Variants in HNRNPL observed in about 807,000 individuals in gnomAD.
HNRNPL encodes the protein heterogeneous nuclear ribonucleoprotein L, also known as epididymis secretory sperm binding protein.
Under a neutral mutation model 64.0 loss-of-function variants are expected in HNRNPL, and 12 were observed. The ratio of observed to expected loss-of-function variants is 0.19; its 90% confidence interval spans 0.12 to 0.30. HNRNPL has a LOEUF of 0.30. HNRNPL is among the 10% of genes least tolerant of loss of function. The pLI is 1.00. For synonymous variants in HNRNPL, 385 were observed against 313.0 expected (o/e 1.23, Z -2.43); for missense variants, 484 against 797.4 (o/e 0.61, Z 4.73).
chr19:38,843,159 G>A (rs1037125578), intron 6 of HNRNPL, among the ~76,000 whole-genome samples: 5 of 152,170 alleles, frequency 3.3e-5, no homozygotes, highest in Admixed American at 2.6e-4. Flanking sequence ...ATCAGACCAA[G>A]ACAGACACCG....
intron 12 of HNRNPL, 52 bp downstream of exon 12, chr19:38,837,332 G>C (rs1372578765): frequency 6.9e-7 from 1 of 1,452,662 alleles, no homozygotes; most frequent in Non-Finnish European, 9.7e-7. Context: ...CCTGAAGCCA[G>C]CCAACCCATT....
chr19:38,843,780 A>G (rs1017286943), intron 6 of HNRNPL, 62 bp downstream of exon 6: 7 of 1,355,850 alleles, frequency 5.2e-6, no homozygotes, highest in African/African-American at 2.9e-5. Context: ...AGGCCTATTA[A>G]GTGCACTAGT....
chr19:38,844,059 A>G lies in HNRNPL; in HGVS notation c.756T>C (p.Asn252=). 8 of 1,614,088 alleles carry G rather than the reference A, an allele frequency of 5.0e-6. No homozygotes were observed. The highest frequency in any genetic ancestry group is 6.8e-6 in the Non-Finnish European group (8 of 1,179,918). ...AACAGCCAGAATAGATATCAGCCCC[A>G]TTGAGAGAGGCCTTGGCCCGCTGGG... ...QSAQRAKASL[N]GADIYSGCCT... Residue 252 remains asparagine (N), a synonymous_variant, in exon 5 of 13, where the codon AAT becomes AAC. Coordinates refer to ENST00000221419, the MANE Select transcript of HNRNPL (RefSeq NM_001533.3).
intron 1 of HNRNPL, among the ~76,000 whole-genome samples, chr19:38,848,493 G>C (rs955431058): frequency 6.6e-6 from 1 of 152,196 alleles, no homozygotes; most frequent in African/African-American, 2.4e-5. Flanking sequence ...AAAAGCCTCT[G>C]GTCATCAGGA....
chr19:38,837,980 C>T (rs911303422), intron 10 of HNRNPL, among the ~76,000 whole-genome samples: 3 of 152,222 alleles, frequency 2.0e-5, no homozygotes, highest in Non-Finnish European at 2.9e-5. Context: ...TTGAGTTCCT[C>T]CTCCCTTCCG....
At position 38,846,179 on chromosome 19, in the gene HNRNPL, A is replaced by G. The variant is rs539078058; in HGVS notation, c.387-89T>C. 1.1e-5 allele frequency: 11 copies of G among 972,656 alleles called. No homozygotes were observed. In the South Asian group the frequency reaches 1.3e-4, roughly 12 times the overall value. The allele number at this position is 972,656 out of a possible 1,614,324, so 60.3% of individuals were successfully genotyped here. A position where few individuals can be genotyped will look rare whatever the true frequency, so the allele number is the denominator to read the frequency against. The stretch of plus-strand genomic sequence containing the variant: ...TGATTTTTTGAGAACTGACTCCTCC[A>G]TGGCCTCTGAACTCCTCTGCAACCC... On this transcript the variant is annotated intron_variant, in intron 2 of 12. Transcript: ENST00000221419.
upstream of HNRNPL, chr19:38,850,283 G>C: frequency 6.5e-6 from 2 of 309,016 alleles, no homozygotes; most frequent in Non-Finnish European, 1.2e-5. Flanking sequence ...TAGGAACGGC[G>C]CTCTAAACCT....
intron 1 of HNRNPL, among the ~76,000 whole-genome samples, chr19:38,848,953 G>A (rs1972399532): frequency 6.6e-6 from 1 of 152,110 alleles, no homozygotes; most frequent in Admixed American, 6.6e-5. Flanking sequence ...TGGGGACTGG[G>A]CCCCACTCCA....
intron 6 of HNRNPL, chr19:38,841,252 C>CA (rs1463274264): frequency 3.5e-6 from 1 of 289,400 alleles, no homozygotes; most frequent in African/African-American, 2.2e-5. Flanking sequence ...GCTTAAGTGG[C>CA]AGGCACTGGG....
chr19:38,846,680 G>A (rs753179197), intron 2 of HNRNPL, among the ~76,000 whole-genome samples: 11 of 152,154 alleles, frequency 7.2e-5, no homozygotes, highest in African/African-American at 2.4e-4. Context: ...AGGCCGAGGC[G>A]GGCAGATCAC....
Position 38,838,537 on chromosome 19 carries a change from T to A in HNRNPL, c.1417A>T (p.Ser473Cys). The change falls in exon 10 of 13, where the codon AGT (serine) becomes TGT (cysteine). Residue 473 changes from serine to cysteine, a missense_variant. By Grantham distance (112) the Ser-to-Cys change is moderately radical. Coordinates refer to ENST00000221419, the MANE Select transcript of HNRNPL (RefSeq NM_001533.3). ...QSYGLEDGSCSYKDFSESRNN... is the reference protein window; with the variant it reads ...QSYGLEDGSCCYKDFSESRNN... Reference sequence around the variant, plus strand: ...CGGGATTCACTGAAGTCTTTGTAACTGCAAGACCCGTCTTCCAACCCGTAT... The same window carrying A: ...CGGGATTCACTGAAGTCTTTGTAACAGCAAGACCCGTCTTCCAACCCGTAT... 6.2e-7 allele frequency: 1 copy of A among 1,614,144 alleles called. No individual in the cohort carries two copies. The highest frequency in any genetic ancestry group is 8.5e-7 in the Non-Finnish European group (1 of 1,180,008).
At chr19:38,837,342 T>G (rs763594494) in intron 12 of HNRNPL, 42 bp downstream of exon 12, 2 of 1,512,250 alleles carry the variant, frequency 1.3e-6, no homozygotes, top group South Asian at 1.1e-5. Context: ...GCCAACCCAT[T>G]AGGTCACCAG....
chr19:38,845,468 T>C (rs1972262304), intron 4 of HNRNPL, 182 bp downstream of exon 4: 9 of 613,600 alleles, frequency 1.5e-5, no homozygotes, highest in Admixed American at 1.1e-4. Flanking sequence ...GATCTGCACG[T>C]CCACACGATA....
chr19:38,846,104 C>G lies in HNRNPL; in HGVS notation c.387-14G>C, dbSNP rs1972284761. The G allele has an allele frequency of 6.3e-7, 1 of 1,579,762 alleles. No individual in the cohort carries two copies. Among genetic ancestry groups the G allele is most frequent in the African/African-American group, 1.3e-5 (1 of 74,232 alleles). Reference sequence around the variant, plus strand: ...ACCACCACATAGCTGGCAGAGAGAACACAGGTTTCAATCCTCTCAGGAAAA... The same window carrying G: ...ACCACCACATAGCTGGCAGAGAGAAGACAGGTTTCAATCCTCTCAGGAAAA... On this transcript the variant is annotated splice_polypyrimidine_tract_variant and intron_variant, in intron 2 of 12. Transcript: ENST00000221419.
intron 10 of HNRNPL, among the ~76,000 whole-genome samples, chr19:38,838,030 C>A (rs547408653): frequency 3.9e-5 from 6 of 152,354 alleles, no homozygotes; most frequent in Admixed American, 3.9e-4. Flanking sequence ...CAGGGCCCCA[C>A]CTTCTGATGG....
Position 38,849,854 on chromosome 19 carries a change from G to A in HNRNPL, c.113C>T (p.Ala38Val). 2 of 1,208,684 alleles carry A rather than the reference G, an allele frequency of 1.7e-6. No homozygotes were observed. The highest frequency in any genetic ancestry group is 2.3e-6 in the Non-Finnish European group (2 of 859,298). The allele number at this position is 1,208,684 out of a possible 1,614,324, so 74.9% of individuals were successfully genotyped here. A position where few individuals can be genotyped will look rare whatever the true frequency, so the allele number is the denominator to read the frequency against. The change falls in exon 1 of 13, where the codon GCG (alanine) becomes GTG (valine). Residue 38 changes from alanine to valine, a missense_variant. Coordinates refer to ENST00000221419, the MANE Select transcript of HNRNPL (RefSeq NM_001533.3). ...RSGAMVKMAAAGGGGGGGRYY... is the reference protein window; with the variant it reads ...RSGAMVKMAAVGGGGGGGRYY... ...GCGGCCACCGCCGCCTCCGCCGCCC[G>A]CCGCCGCCATCTTCACCATCGCTCC...
chr19:38,837,606 A>G lies in HNRNPL; in HGVS notation c.1603T>C (p.Phe535Leu). Reference protein sequence around the residue: ...GVKRPSSVKVFSGKSERSSSG... With the variant: ...GVKRPSSVKVLSGKSERSSSG... The stretch of plus-strand genomic sequence containing the variant: ...ACACTCGACTCACTTTTGCCTGAGA[A>G]TACTTTCACAGAAGATGGCCGCTTC... The change falls in exon 11 of 13, where the codon TTC becomes CTC. Residue 535 changes from phenylalanine to leucine, a missense_variant. Physicochemically the swap from Phe to Leu is conservative, Grantham distance 22. Transcript: ENST00000221419. 3 of 1,614,266 alleles carry G rather than the reference A, an allele frequency of 1.9e-6. No homozygotes were observed. Among genetic ancestry groups the G allele is most frequent in the Non-Finnish European group, 2.5e-6 (3 of 1,180,046 alleles).
intron 1 of HNRNPL, chr19:38,847,664 G>C (rs1972344624): frequency 6.4e-6 from 2 of 312,088 alleles, no homozygotes; most frequent in Non-Finnish European, 1.2e-5. Flanking sequence ...TCTTGCTGTA[G>C]CTTCTGAGGA....
chr19:38,841,746 A>G (rs1362671923), intron 6 of HNRNPL: 3 of 687,086 alleles, frequency 4.4e-6, no homozygotes, highest in Non-Finnish European at 6.8e-6. Context: ...CAATTTTTTT[A>G]AAGAATTGTT....
Sources: allele counts gnomAD v4.1 joint callset (sites outside exome capture counted in the v4.1 genomes callset), GRCh38; gene constraint gnomAD v4.1.1; transcripts MANE v1.5; gene names NCBI Gene and HGNC (gene_info 2026-07-23, HGNC 2026-07-21).